The following PAM variants were observed in gnomAD, a reference collection of about 807,000 sequenced individuals.
PAM encodes peptidylglycine alpha-amidating monooxygenase.
PAM carries 72 observed loss-of-function variants against 122.1 expected under a neutral mutation model. That is an observed-to-expected ratio of 0.59 (90% confidence interval 0.49 to 0.72). The LOEUF (loss-of-function observed/expected upper bound fraction) is 0.72. PAM is among the 30% of genes least tolerant of loss of function. The probability of loss-of-function intolerance (pLI) is 0.00; values close to 1 mark genes in which losing one functional copy is unlikely to be tolerated. For synonymous variants in PAM, 389 were observed against 404.4 expected, an observed-to-expected ratio of 0.96 and a Z score of 0.46; for missense variants, 1,106 against 1,183.7, an observed-to-expected ratio of 0.93 and a Z score of 0.96.
chr5:102,936,251 A>G (rs1753215169), intron 7 of PAM, among the ~76,000 whole-genome samples: 1 of 152,102 alleles, frequency 6.6e-6, no homozygotes, highest in African/African-American at 2.4e-5. Flanking sequence ...GGAAAAATTT[A>G]CACCATGGAA....
intron 1 of PAM, among the ~76,000 whole-genome samples, chr5:102,818,278 T>TA (rs1405320940): frequency 6.6e-6 from 1 of 152,004 alleles, no homozygotes; most frequent in Non-Finnish European, 1.5e-5. Flanking sequence ...ACAAAGAGTA[T>TA]AATGGATTAT....
At chr5:102,881,543 T>C (rs1189185462) in intron 3 of PAM, among the ~76,000 whole-genome samples, 2 of 152,046 alleles carry the variant, frequency 1.3e-5, no homozygotes, top group African/African-American at 2.4e-5. Flanking sequence ...CTCATATCCT[T>C]AAAATTTTGG....
At chr5:102,926,181 G>A (rs1749440603) in intron 6 of PAM, among the ~76,000 whole-genome samples, 1 of 151,924 alleles carries the variant, frequency 6.6e-6, no homozygotes, top group African/African-American at 2.4e-5. Flanking sequence ...TGCAAGCTCC[G>A]CTTCCCGGGT....
chr5:103,020,949 T>A (rs1335122217), intron 23 of PAM, among the ~76,000 whole-genome samples: 2 of 152,204 alleles, frequency 1.3e-5, no homozygotes, highest in African/African-American at 4.8e-5. Flanking sequence ...TAAAGAAGGT[T>A]CCTGTCCCCC....
chr5:102,810,514 T>C (rs1364676918), intron 1 of PAM, among the ~76,000 whole-genome samples: 2 of 152,158 alleles, frequency 1.3e-5, no homozygotes, highest in Admixed American at 1.3e-4. Context: ...AGAAAAAGGA[T>C]CACCTTGTCT....
intron 1 of PAM, among the ~76,000 whole-genome samples, chr5:102,799,161 C>T (rs1764081809): frequency 6.6e-6 from 1 of 152,192 alleles, no homozygotes; most frequent in Non-Finnish European, 1.5e-5. Context: ...TGTCAGCTTG[C>T]TTACAAGATT....
At chr5:102,852,508 A>G (rs1310976366) in intron 1 of PAM, among the ~76,000 whole-genome samples, 1 of 152,084 alleles carries the variant, frequency 6.6e-6, no homozygotes, top group East Asian at 1.9e-4. Context: ...TGGGATTATT[A>G]GAAGTATGTT....
At chr5:102,963,303 A>C (rs1010466159) in intron 14 of PAM, among the ~76,000 whole-genome samples, 1 of 152,136 alleles carries the variant, frequency 6.6e-6, no homozygotes, top group East Asian at 1.9e-4. Flanking sequence ...CACATAGGGC[A>C]AATCTCATTG....
intron 19 of PAM, among the ~76,000 whole-genome samples, 200 bp from the exon 20 acceptor site, chr5:103,007,257 C>T (rs1407769786): frequency 2.0e-5 from 3 of 150,396 alleles, no homozygotes; most frequent in Non-Finnish European, 4.4e-5. Flanking sequence ...CACCAAACAA[C>T]TATCCAAATA....
At chr5:102,809,218 G>A (rs1006815406) in intron 1 of PAM, among the ~76,000 whole-genome samples, 8 of 151,858 alleles carry the variant, frequency 5.3e-5, no homozygotes, top group Non-Finnish European at 1.2e-4. Flanking sequence ...AGTACATTCT[G>A]TGAAGAATGT....
chr5:102,926,922 G>GT (rs1749766920), intron 7 of PAM, among the ~76,000 whole-genome samples: 1 of 152,010 alleles, frequency 6.6e-6, no homozygotes, highest in African/African-American at 2.4e-5. Context: ...TTGCCTTCTA[G>GT]TGTATTGTTT....
At chr5:102,760,064 T>A (rs1437052450) in intron 1 of PAM, among the ~76,000 whole-genome samples, 2 of 152,204 alleles carry the variant, frequency 1.3e-5, no homozygotes, top group African/African-American at 4.8e-5. Context: ...TTGCATGTCT[T>A]GTGAGCAAAG....
chr5:102,839,067 C>T (rs1777841222), intron 1 of PAM, among the ~76,000 whole-genome samples: 1 of 152,100 alleles, frequency 6.6e-6, no homozygotes, highest in Admixed American at 6.6e-5. Flanking sequence ...GCTTAGACAG[C>T]TTAAACAATA....
chr5:102,977,712 C>A (rs1768204551), intron 15 of PAM, among the ~76,000 whole-genome samples: 2 of 150,308 alleles, frequency 1.3e-5, no homozygotes, highest in Non-Finnish European at 3.0e-5. Context: ...AATACAGCTT[C>A]CCCAAAAGCA....
chr5:102,867,226 T>G, intron 2 of PAM, 47 bp from the exon 3 acceptor site: 1 of 1,367,024 alleles, frequency 7.3e-7, no homozygotes, highest in Non-Finnish European at 1.0e-6. Flanking sequence ...ATGTTGAGTT[T>G]AGATTCCATT....
chr5:102,976,893 AAG>A (rs1399732538), intron 15 of PAM, among the ~76,000 whole-genome samples: 3 of 152,174 alleles, frequency 2.0e-5, no homozygotes, highest in Non-Finnish European at 4.4e-5. Flanking sequence ...TGCTCAATCA[AAG>A]AGATCCTAAT....
upstream of PAM, chr5:102,755,223 CGCCGCT>C (rs1315232968): frequency 1.3e-5 from 2 of 152,448 alleles, no homozygotes; most frequent in African/African-American, 2.4e-5. Context: ...CCCCCGCCAC[CGCCGCT>C]GCCTCCGCGT....
chr5:102,995,144 C>T (rs1203903165), intron 16 of PAM, among the ~76,000 whole-genome samples: 12 of 152,158 alleles, frequency 7.9e-5, no homozygotes, highest in Non-Finnish European at 1.8e-4. Context: ...TATGCTTCAA[C>T]TTCTGCGATT....
chr5:102,763,038 C>G (rs955364536), intron 1 of PAM, among the ~76,000 whole-genome samples: 3 of 152,102 alleles, frequency 2.0e-5, no homozygotes, highest in African/African-American at 7.2e-5. Flanking sequence ...TAAATGTAAC[C>G]TTTCACCTAG....
Sources: gnomAD v4.1 joint callset for allele counts (sites outside exome capture counted in the v4.1 genomes callset) on GRCh38, gnomAD v4.1.1 for gene constraint, MANE v1.5 for transcripts, NCBI Gene and HGNC (gene_info 2026-07-23, HGNC 2026-07-21) for gene names.